SLC36A3: variants seen among roughly 807,000 people sequenced by gnomAD.
SLC36A3 encodes solute carrier family 36 member 3.
In SLC36A3, 35 loss-of-function variants were observed where a neutral mutation model predicts 44.3. The ratio of observed to expected loss-of-function variants is 0.79; its 90% CI spans 0.60 to 1.05. The LOEUF (loss-of-function observed/expected upper bound fraction) is 1.05. Among genes scored for constraint, SLC36A3 ranks in the 50% least tolerant of loss-of-function variants. The probability of loss-of-function intolerance (pLI) is 0.00; values close to 1 mark genes in which losing one functional copy is unlikely to be tolerated. For synonymous variants in SLC36A3, 211 were observed against 227.6 expected (o/e 0.93, Z 0.66); for missense variants, 540 against 578.7 (o/e 0.93, Z 0.69).
At chr5:151,299,264 C>CTCTCTCTCTCTCTATATATATA (rs1372309288) in intron 1 of SLC36A3, among the ~76,000 whole-genome samples, 9 of 59,644 alleles carry the variant, frequency 1.5e-4, no homozygotes, top group African/African-American at 2.5e-4. Context: ...CTCTCTCTCT[C>CTCTCTCTCTCTCTATATATATA]TATATATATA....
At chr5:151,287,117 G>T in intron 6 of SLC36A3, 129 bp downstream of exon 6, 1 of 800,312 alleles carries the variant, frequency 1.2e-6, no homozygotes, top group Non-Finnish European at 1.9e-6. Flanking sequence ...TAGATGTCAT[G>T]TTGGCAGGGG....
intron 8 of SLC36A3, among the ~76,000 whole-genome samples, chr5:151,281,580 G>A (rs1024111594): frequency 6.6e-6 from 1 of 152,176 alleles, no homozygotes; most frequent in African/African-American, 2.4e-5. Context: ...CAGTTTGAGA[G>A]GCCGAGGCGA....
In SLC36A3 at chr5:151,287,338, T is replaced by C; in HGVS notation, c.616A>G (p.Ile206Val). 1 of 1,614,098 alleles carries C rather than the reference T, an allele frequency of 6.2e-7. No homozygotes were observed. The highest frequency in any genetic ancestry group is 2.2e-5 in the East Asian group (1 of 44,882). Reference sequence around the variant, plus strand: ...ACGGACAGCACCTTGAGGTTCTGGATAAACACCAACAGGATCAGGAAGGGC... The same window carrying C: ...ACGGACAGCACCTTGAGGTTCTGGACAAACACCAACAGGATCAGGAAGGGC... The part of the protein sequence containing the change: ...ILPFLILLVF[I>V]QNLKVLSVFS... Residue 206 changes from isoleucine to valine, a missense_variant, in exon 6 of 10, where the codon ATC becomes GTC. Ile to Val is a conservative substitution (Grantham distance 29). Coordinates refer to ENST00000335230, the MANE Select transcript of SLC36A3 (RefSeq NM_181774.4).
chr5:151,296,936 G>C (rs1754981432), intron 2 of SLC36A3: 1 of 152,328 alleles, frequency 6.6e-6, no homozygotes, highest in African/African-American at 2.4e-5. Flanking sequence ...TTTAAAAAGT[G>C]GGGCTGATTA....
At chr5:151,287,971 A>G (rs1754607772) in intron 5 of SLC36A3, among the ~76,000 whole-genome samples, 1 of 152,240 alleles carries the variant, frequency 6.6e-6, no homozygotes, top group South Asian at 2.1e-4. Context: ...CCTCTAATCC[A>G]CAAAGCCAAG....
At position 151,303,207 on chromosome 5, in the gene SLC36A3, AGGGCGGTGC is replaced by A. The variant is rs1246134646; in HGVS notation, c.128+11_128+19del. 1 of 1,604,302 alleles carries A rather than the reference AGGGCGGTGC, an allele frequency of 6.2e-7. No homozygotes were observed. Among genetic ancestry groups the A allele is most frequent in the Non-Finnish European group, 8.5e-7 (1 of 1,174,414 alleles). On this transcript the variant is annotated intron_variant, in intron 1 of 9. Coordinates refer to ENST00000335230, the MANE Select transcript of SLC36A3 (RefSeq NM_181774.4). Reference sequence around the variant, plus strand: ...AGCAGTGCTTGACCTCAGGCCTGGAAGGGCGGTGCGGCCACTTACGATAGTCCAGCTTCT... The same window carrying A: ...AGCAGTGCTTGACCTCAGGCCTGGAAGGCCACTTACGATAGTCCAGCTTCT...
rs199918592 is a variant in SLC36A3, at chr5:151,288,375, G to A, written c.489+11C>T. 1.8e-5 allele frequency: 29 copies of A among 1,589,666 alleles called. No individual in the cohort carries two copies. In the East Asian group the frequency reaches 6.4e-4, roughly 35 times the overall value. On this transcript the variant is annotated intron_variant, in intron 5 of 9. Transcript: ENST00000335230. ...CTTTTCCCCCACTCTGCCCAGAAGAGGGCTCTTTACCTGTTGTAAATTGTC... is the reference window on the plus strand; with the variant it reads ...CTTTTCCCCCACTCTGCCCAGAAGAAGGCTCTTTACCTGTTGTAAATTGTC...
intron 1 of SLC36A3, among the ~76,000 whole-genome samples, chr5:151,299,272 A>C (rs1000476838): frequency 0.013 from 1,591 of 118,312 alleles, 18 homozygotes; most frequent in African/African-American, 0.042. Context: ...CTCTATATAT[A>C]TATATATATA....
At chr5:151,297,169 T>C (rs1754987506) in intron 2 of SLC36A3, 1 of 152,170 alleles carries the variant, frequency 6.6e-6, no homozygotes, top group Non-Finnish European at 1.5e-5. Flanking sequence ...ACAGGGTAGA[T>C]AGGTGCTCAA....
At position 151,284,705 on chromosome 5, in the gene SLC36A3, G is replaced by C. The variant is rs1350225626; in HGVS notation, c.715C>G (p.Pro239Ala). 1 of 1,611,966 alleles carries C rather than the reference G, an allele frequency of 6.2e-7. No individual in the cohort carries two copies. The highest frequency in any genetic ancestry group is 8.5e-7 in the Non-Finnish European group (1 of 1,178,626). Reference sequence around the variant, plus strand: ...ATCAAGGGTAGGTTGCTGGGATATGGAATCCCCTAAAAGAAAGTGGGAGAA... The same window carrying C: ...ATCAAGGGTAGGTTGCTGGGATATGCAATCCCCTAAAAGAAAGTGGGAGAA... Reference protein sequence around the residue: ...LIFEYIMEGIPYPSNLPLMAN... With the variant: ...LIFEYIMEGIAYPSNLPLMAN... Residue 239 changes from proline to alanine, a missense_variant, in exon 7 of 10, where the codon CCA becomes GCA. Coordinates refer to ENST00000335230, the MANE Select transcript of SLC36A3 (RefSeq NM_181774.4).
chr5:151,286,209 A>T lies in SLC36A3; in HGVS notation c.708+1037T>A, dbSNP rs531453490. On this transcript the variant is annotated intron_variant, in intron 6 of 9. Transcript: ENST00000335230. Reference sequence around the variant, plus strand: ...AGTTGTTCCTTGGTCTCCATGGGAGAACTAATGTTCCAGGACCTCCCGTGG... The same window carrying T: ...AGTTGTTCCTTGGTCTCCATGGGAGTACTAATGTTCCAGGACCTCCCGTGG... 2.6e-5 allele frequency among the ~76,000 whole-genome samples: 4 copies of T among 152,300 alleles called. No homozygotes were observed. The East Asian group carries it at 7.7e-4, about 29-fold the overall frequency.
chr5:151,282,429 A>C (rs1754361245), intron 8 of SLC36A3, among the ~76,000 whole-genome samples: 1 of 152,054 alleles, frequency 6.6e-6, no homozygotes, highest in African/African-American at 2.4e-5. Context: ...CGGCCTCCCA[A>C]AGTGCCGGGA....
intron 9 of SLC36A3, among the ~76,000 whole-genome samples, chr5:151,277,991 G>C (rs1277169323): frequency 6.6e-6 from 1 of 152,154 alleles, no homozygotes; most frequent in Non-Finnish European, 1.5e-5. Flanking sequence ...AGGTCACACA[G>C]AGCTGAGATG....
At chr5:151,295,803 G>A (rs1184108123) in intron 3 of SLC36A3, among the ~76,000 whole-genome samples, 1 of 152,206 alleles carries the variant, frequency 6.6e-6, no homozygotes, top group African/African-American at 2.4e-5. Flanking sequence ...GACAAGGTGT[G>A]GGTATTGGAG....
Position 151,284,631 on chromosome 5 carries a change from T to C in SLC36A3, c.789A>G (p.Thr263=). The C allele has an allele frequency of 6.2e-7, 1 of 1,611,666 alleles. No homozygotes were observed. Among genetic ancestry groups the C allele is most frequent in the Non-Finnish European group, 8.5e-7 (1 of 1,178,306 alleles). The change falls in exon 7 of 10, where the codon ACA becomes ACG. Residue 263 remains threonine (T), a synonymous_variant. Coordinates refer to ENST00000335230, the MANE Select transcript of SLC36A3 (RefSeq NM_181774.4). ...FLLFFGTAIF[T]FEGVGMVLPL... ...ATCTTACCATACCGACGCCTTCAAA[T>C]GTGAAGATGGCTGTACCAAAGAACA...
intron 9 of SLC36A3, among the ~76,000 whole-genome samples, chr5:151,278,489 G>A (rs2216550): frequency 0.079 from 12,093 of 152,132 alleles, 1,357 homozygotes; most frequent in African/African-American, 0.25. Context: ...TGTATACTAT[G>A]TGTATGTAGT....
At chr5:151,282,218 C>T (rs1178728559) in intron 8 of SLC36A3, among the ~76,000 whole-genome samples, 2 of 139,864 alleles carry the variant, frequency 1.4e-5, no homozygotes, top group Non-Finnish European at 3.0e-5. Flanking sequence ...GGCTGAGAAG[C>T]GATGCAACGG....
chr5:151,288,057 T>G (rs776585988), intron 5 of SLC36A3, among the ~76,000 whole-genome samples: 1 of 152,236 alleles, frequency 6.6e-6, no homozygotes, highest in Non-Finnish European at 1.5e-5. Context: ...TGTCCTTGTA[T>G]AGTTAGACAT....
rs1359523445 is a variant in SLC36A3, at chr5:151,284,648, C to T, written c.772G>A (p.Gly258Ser). The T allele has an allele frequency of 6.2e-7, 1 of 1,612,876 alleles. No homozygotes were observed. Among genetic ancestry groups the T allele is most frequent in the Non-Finnish European group, 8.5e-7 (1 of 1,179,264 alleles). Residue 258 changes from glycine to serine, a missense_variant, in exon 7 of 10, where the codon GGT becomes AGT. By Grantham distance (56) the Gly-to-Ser change is moderately conservative (BLOSUM62 0). Coordinates refer to ENST00000335230, the MANE Select transcript of SLC36A3 (RefSeq NM_181774.4). Reference protein sequence around the residue: ...ANWKTFLLFFGTAIFTFEGVG... With the variant: ...ANWKTFLLFFSTAIFTFEGVG... ...CCTTCAAATGTGAAGATGGCTGTAC[C>T]AAAGAACAGCAAGAAGGTCTTCCAG... is the stretch of plus-strand genomic sequence containing the variant.
Sources: gnomAD v4.1 joint callset for allele counts (sites outside exome capture counted in the v4.1 genomes callset) on GRCh38, gnomAD v4.1.1 for gene constraint, MANE v1.5 for transcripts, NCBI Gene and HGNC (gene_info 2026-07-23, HGNC 2026-07-21) for gene names.